SMCHD1: variants seen among roughly 807,000 people sequenced by gnomAD.
SMCHD1 encodes the protein structural maintenance of chromosomes flexible hinge domain containing 1.
Under a neutral mutation model 254.7 loss-of-function variants are expected in SMCHD1, and 78 were observed. The ratio of observed to expected loss-of-function variants is 0.31; its 90% CI spans 0.26 to 0.37. The LOEUF (loss-of-function observed/expected upper bound fraction) is 0.37, where lower values mean the gene tolerates loss of function less well. SMCHD1 is among the 10% of genes least tolerant of loss of function. SMCHD1 has a pLI of 1.00. For synonymous variants in SMCHD1, 766 were observed against 794.9 expected, an observed-to-expected ratio of 0.96 and a Z score of 0.61; for missense variants, 1,840 against 2,408.1, an observed-to-expected ratio of 0.76 and a Z score of 4.94.
In SMCHD1 at chr18:2,718,599, A is replaced by G. The variant is rs752231852; in HGVS notation, c.2458+165A>G. Among the ~76,000 whole-genome samples the G allele has an allele frequency of 2.6e-5, 4 of 152,204 alleles. No homozygotes were observed. The highest frequency in any genetic ancestry group is 2.6e-4 in the Admixed American group (4 of 15,274). On this transcript the variant is annotated intron_variant, in intron 19 of 47. Coordinates refer to ENST00000320876, the MANE Select transcript of SMCHD1 (RefSeq NM_015295.3). This position sits in a 1 kb window ranked among gnomAD's most constrained non-coding sequence, Gnocchi z 4.6. Reference sequence around the variant, plus strand: ...GAGATGGGGTCTCATTCTGTCACCCAGGCTGGAGTGCAGTGGCACAATCTC... The same window carrying G: ...GAGATGGGGTCTCATTCTGTCACCCGGGCTGGAGTGCAGTGGCACAATCTC...
At chr18:2,780,754 A>G (rs561439308) in intron 44 of SMCHD1, among the ~76,000 whole-genome samples, 3 of 152,302 alleles carry the variant, frequency 2.0e-5, no homozygotes, top group African/African-American at 4.8e-5. Flanking sequence ...AGCAGTCTGT[A>G]TGAAGTCCTT....
intron 37 of SMCHD1, among the ~76,000 whole-genome samples, chr18:2,767,810 C>T (rs144458840): frequency 1.3e-5 from 2 of 151,814 alleles, no homozygotes; most frequent in Non-Finnish European, 2.9e-5. Flanking sequence ...AGGTTTGTCT[C>T]GAACTCTGAC....
At chr18:2,682,496 A>G (rs1019003598) in intron 5 of SMCHD1, among the ~76,000 whole-genome samples, 4 of 151,672 alleles carry the variant, frequency 2.6e-5, no homozygotes, top group Admixed American at 2.0e-4. Flanking sequence ...AAAATTTTGT[A>G]CTTTTAGTAG....
Position 2,726,437 on chromosome 18 carries a change from G to GT in SMCHD1, c.2701-8dup, listed in dbSNP as rs886044517. On this transcript the variant is annotated splice_polypyrimidine_tract_variant and intron_variant, in intron 21 of 47. Transcript: ENST00000320876. ...TTCAGGACTGGGTTTAATTTTTACT[G>GT]TTTTTTTCCAACAGAATTATAATCT... is the stretch of plus-strand genomic sequence containing the variant. 60 of 1,442,176 alleles carry GT rather than the reference G, an allele frequency of 4.2e-5. No individual in the cohort carries two copies. Among genetic ancestry groups the GT allele is most frequent in the East Asian group, 3.6e-4 (14 of 38,596 alleles). 89.3% of individuals were successfully genotyped at this position (1,442,176 alleles called of 1,614,324 possible).
Position 2,718,581 on chromosome 18 carries a change from G to A in SMCHD1, c.2458+147G>A, listed in dbSNP as rs984134544. 10 of 688,336 alleles carry A rather than the reference G, an allele frequency of 1.5e-5. No homozygotes were observed. The highest frequency in any genetic ancestry group is 2.0e-5 in the Non-Finnish European group (9 of 451,520). 42.6% of individuals were successfully genotyped at this position (688,336 alleles called of 1,614,324 possible). A position where few individuals can be genotyped will look rare whatever the true frequency, so the allele number is the denominator to read the frequency against. ...TATTTTCTTACTTACTTTGAGATGG[G>A]GTCTCATTCTGTCACCCAGGCTGGA... On this transcript the variant is annotated intron_variant, in intron 19 of 47. Transcript: ENST00000320876. This position sits in a 1 kb window ranked among gnomAD's most constrained non-coding sequence, Gnocchi z 4.6.
At chr18:2,663,403 T>G (rs1452563470) in intron 1 of SMCHD1, among the ~76,000 whole-genome samples, 1 of 151,602 alleles carries the variant, frequency 6.6e-6, no homozygotes, top group Non-Finnish European at 1.5e-5. Flanking sequence ...TGAACCACTG[T>G]GCCTGGCCCA....
intron 32 of SMCHD1, 50 bp downstream of exon 32, chr18:2,750,557 A>G: frequency 6.9e-7 from 1 of 1,449,378 alleles, no homozygotes; most frequent in African/African-American, 1.4e-5. Context: ...TTTGCTTTGT[A>G]CATTAGTGGA....
intron 28 of SMCHD1, among the ~76,000 whole-genome samples, chr18:2,741,890 G>GA (rs1368614286): frequency 3.3e-5 from 5 of 152,030 alleles, no homozygotes; most frequent in Non-Finnish European, 7.4e-5. Context: ...CAAACAAAAG[G>GA]AAAAATCCCT....
intron 42 of SMCHD1, among the ~76,000 whole-genome samples, chr18:2,777,399 G>A (rs1223297330): frequency 6.6e-6 from 1 of 152,162 alleles, no homozygotes; most frequent in African/African-American, 2.4e-5. Context: ...GGAAGACAGG[G>A]GACATAGAGC....
chr18:2,804,695 T>G lies in SMCHD1; in HGVS notation c.*2143T>G, dbSNP rs2143896820. The G allele has an allele frequency of 6.6e-6, 1 of 152,332 alleles. No individual in the cohort carries two copies. Among genetic ancestry groups the G allele is most frequent in the South Asian group, 2.1e-4 (1 of 4,830 alleles). The allele number at this position is 152,332 out of a possible 1,614,324, so 9.4% of individuals were successfully genotyped here. A position where few individuals can be genotyped will look rare whatever the true frequency, so the allele number is the denominator to read the frequency against. On this transcript the variant is annotated 3_prime_UTR_variant, in exon 48 of 48. Transcript: ENST00000320876. ...TTTCTCAGCATATTAAGGAATCCTTTTCTACATTTGAGCAAATACTGAGGT... is the reference window on the plus strand; with the variant it reads ...TTTCTCAGCATATTAAGGAATCCTTGTCTACATTTGAGCAAATACTGAGGT...
chr18:2,659,410 G>A (rs1371351951), intron 1 of SMCHD1, among the ~76,000 whole-genome samples: 1 of 152,148 alleles, frequency 6.6e-6, no homozygotes, highest in East Asian at 1.9e-4. Flanking sequence ...GAGCCACCAC[G>A]CCCAGCTCTA....
rs375668696 is a variant in SMCHD1, at chr18:2,796,110, A to G, written c.5878+3A>G. 2.5e-5 allele frequency: 39 copies of G among 1,534,374 alleles called. No individual in the cohort carries two copies. The African/African-American group carries it at 5.1e-4, about 20-fold the overall frequency. On this transcript the variant is annotated splice_donor_region_variant and intron_variant, in intron 46 of 47. Coordinates refer to ENST00000320876, the MANE Select transcript of SMCHD1 (RefSeq NM_015295.3). The stretch of plus-strand genomic sequence containing the variant: ...CAAACTAATAGAGGAAAAACTAGGT[A>G]AGTCTTTGCTTTTTGTTAACTTCTA...
intron 5 of SMCHD1, among the ~76,000 whole-genome samples, chr18:2,685,379 G>A (rs947365880): frequency 3.3e-5 from 5 of 152,212 alleles, no homozygotes; most frequent in East Asian, 1.9e-4. Context: ...GATTACAGGC[G>A]TGAGCCACCG....
At chr18:2,690,776 G>A (rs2074158412) in intron 7 of SMCHD1, among the ~76,000 whole-genome samples, 1 of 150,500 alleles carries the variant, frequency 6.6e-6, no homozygotes, top group Non-Finnish European at 1.5e-5. Context: ...GAGCCACCAC[G>A]CCCAGCCTGA....
Position 2,700,297 on chromosome 18 carries a change from G to A in SMCHD1, c.1343-242G>A, listed in dbSNP as rs117590407. 0.019 allele frequency among the ~76,000 whole-genome samples: 2,878 copies of A among 152,268 alleles called. 42 individuals carry two copies. Among genetic ancestry groups the A allele is most frequent in the Middle Eastern group, 0.099 (29 of 294 alleles). ...AAGACTCTTTTAGCCTCATGAATAG[G>A]TTTTAAAGATGACAGGCCCAGCAGC... On this transcript the variant is annotated intron_variant, in intron 10 of 47. Transcript: ENST00000320876.
chr18:2,674,282 T>C (rs1421259770), intron 5 of SMCHD1, 137 bp downstream of exon 5: 3 of 700,584 alleles, frequency 4.3e-6, no homozygotes, highest in Non-Finnish European at 6.5e-6. Context: ...TTTTATATTA[T>C]AGAATTTTTA....
At chr18:2,797,974 G>A (rs538921994) in intron 47 of SMCHD1, among the ~76,000 whole-genome samples, 2 of 152,150 alleles carry the variant, frequency 1.3e-5, no homozygotes, top group African/African-American at 4.8e-5. Context: ...GAAAATAATA[G>A]GGAAACAATA....
chr18:2,707,469 A>T, intron 15 of SMCHD1, 94 bp from the exon 16 acceptor site: 1 of 705,536 alleles, frequency 1.4e-6, no homozygotes, highest in Non-Finnish European at 2.3e-6. Context: ...ATATATCAGC[A>T]ATAAATATTT....
At chr18:2,726,413 T>A (rs754280739) in intron 21 of SMCHD1, 39 bp from the exon 22 acceptor site, 1 of 1,155,306 alleles carries the variant, frequency 8.7e-7, no homozygotes, top group South Asian at 1.5e-5. Context: ...AAGTATGTAT[T>A]CAGGACTGGG....
Sources: gnomAD v4.1 joint callset for allele counts (sites outside exome capture counted in the v4.1 genomes callset) on GRCh38, gnomAD v4.1.1 for gene constraint, Gnocchi (gnomAD v3.1) non-coding constraint, MANE v1.5 for transcripts, NCBI Gene and HGNC (gene_info 2026-07-23, HGNC 2026-07-21) for gene names.